Variants in ANKRD10 observed in about 807,000 individuals in gnomAD.
ANKRD10 encodes ankyrin repeat domain 10.
Under a neutral mutation model 27.0 loss-of-function variants are expected in ANKRD10, and 14 were observed. The ratio of observed to expected loss-of-function variants is 0.52; its 90% CI spans 0.34 to 0.81. ANKRD10 has a LOEUF of 0.81. ANKRD10 is among the 40% of genes least tolerant of loss of function. The probability of loss-of-function intolerance (pLI) is 0.01; values close to 1 mark genes in which losing one functional copy is unlikely to be tolerated. For missense variants in ANKRD10, 493 were observed against 544.0 expected (o/e 0.91, Z 0.93); for synonymous variants, 250 against 224.5 (o/e 1.11, Z -1.01).
At chr13:110,902,018 G>A (rs997289461) in intron 3 of ANKRD10, among the ~76,000 whole-genome samples, 3 of 138,696 alleles carry the variant, frequency 2.2e-5, no homozygotes, top group African/African-American at 5.4e-5. Flanking sequence ...ACTTTAGCCT[G>A]GACGACAAAG....
intron 3 of ANKRD10, chr13:110,900,435 A>C: frequency 9.3e-6 from 8 of 862,758 alleles, no homozygotes; most frequent in Non-Finnish European, 1.0e-5. Flanking sequence ...ATAGAAAGGT[A>C]GATATCATAA....
At chr13:110,913,276 G>A (rs1385063623) in intron 1 of ANKRD10, among the ~76,000 whole-genome samples, 6 of 152,200 alleles carry the variant, frequency 3.9e-5, no homozygotes, top group African/African-American at 1.4e-4. Context: ...ATAAACCACA[G>A]CAAGAGACAC....
At chr13:110,898,148 T>C (rs2065278540) in intron 3 of ANKRD10, among the ~76,000 whole-genome samples, 2 of 152,198 alleles carry the variant, frequency 1.3e-5, no homozygotes, top group South Asian at 4.1e-4. Flanking sequence ...ATCATTCCTA[T>C]TCCTAAATTG....
At chr13:110,902,049 GAAAAAAAAA>G (rs10656736) in intron 3 of ANKRD10, among the ~76,000 whole-genome samples, 5 of 115,402 alleles carry the variant, frequency 4.3e-5, no homozygotes, top group African/African-American at 6.7e-5. Context: ...TCTCTTTTTA[GAAAAAAAAA>G]AAAAAAAAAA....
At chr13:110,892,144 A>C (rs941284971) in intron 4 of ANKRD10, among the ~76,000 whole-genome samples, 11 of 151,008 alleles carry the variant, frequency 7.3e-5, no homozygotes, top group Admixed American at 2.6e-4. Context: ...AAAAAACCCA[A>C]AAAACGGCTA....
Position 110,911,309 on chromosome 13 carries a change from G to A in ANKRD10, c.211-539C>T, listed in dbSNP as rs569100351. Among the ~76,000 whole-genome samples, 145 of 151,210 alleles carry A rather than the reference G, an allele frequency of 9.6e-4. 1 individual carries two copies. In the East Asian group the frequency reaches 0.017, roughly 18 times the overall value. The stretch of plus-strand genomic sequence containing the variant: ...TACTAAAAATACAAAAAAATTAGCC[G>A]GGCGTGGTGGCGGGCACCTGTAATC... On this transcript the variant is annotated intron_variant, in intron 1 of 5. Transcript: ENST00000267339.
chr13:110,902,650 T>C (rs568161274), intron 3 of ANKRD10, among the ~76,000 whole-genome samples: 1 of 152,342 alleles, frequency 6.6e-6, no homozygotes, highest in East Asian at 1.9e-4. Context: ...TTAAAATACA[T>C]GTAGCCCAGC....
chr13:110,882,859 T>C (rs953029854), intron 5 of ANKRD10, among the ~76,000 whole-genome samples: 1 of 152,164 alleles, frequency 6.6e-6, no homozygotes, highest in African/African-American at 2.4e-5. Context: ...AGTGAAGAAT[T>C]TGCATAAAGA....
rs1362304149 is a variant in ANKRD10, at chr13:110,906,142, A to G, written c.364-18T>C. 1 of 1,571,812 alleles carries G rather than the reference A, an allele frequency of 6.4e-7. No homozygotes were observed. Among genetic ancestry groups the G allele is most frequent in the Admixed American group, 1.8e-5 (1 of 56,350 alleles). On this transcript the variant is annotated intron_variant, in intron 2 of 5. Transcript: ENST00000267339. ...TCACAATCCTGAAACAACAAAAAGC[A>G]AAATATACACATACTTAGAACAAAA...
intron 2 of ANKRD10, among the ~76,000 whole-genome samples, chr13:110,907,873 G>A (rs2065581967): frequency 2.0e-5 from 3 of 151,450 alleles, no homozygotes; most frequent in Admixed American, 1.3e-4. Flanking sequence ...AAAAGAAAAA[G>A]GCTAAAAAGG....
At position 110,914,889 on chromosome 13, in the gene ANKRD10, T is replaced by C. The variant is rs1336270716; in HGVS notation, c.46A>G (p.Ser16Gly). The C allele has an allele frequency of 9.1e-6, 14 of 1,540,690 alleles. No individual in the cohort carries two copies. Among genetic ancestry groups the C allele is most frequent in the Non-Finnish European group, 1.1e-5 (13 of 1,146,918 alleles). Reference protein sequence around the residue: ...AGAGVEAGFSSEELLSLRFPL... With the variant: ...AGAGVEAGFSGEELLSLRFPL... Reference sequence around the variant, plus strand: ...AAACGGAGCGAGAGCAGCTCCTCGCTGGAGAAGCCCGCCTCTACGCCCGCG... The same window carrying C: ...AAACGGAGCGAGAGCAGCTCCTCGCCGGAGAAGCCCGCCTCTACGCCCGCG... The change falls in exon 1 of 6, where the codon AGC (serine) becomes GGC (glycine). Residue 16 changes from serine to glycine, a missense_variant. Physicochemically the swap from Ser to Gly is moderately conservative, Grantham distance 56. Transcript: ENST00000267339.
intron 4 of ANKRD10, among the ~76,000 whole-genome samples, chr13:110,890,231 ATCT>A (rs1421251593): frequency 1.6e-4 from 25 of 152,244 alleles, no homozygotes; most frequent in African/African-American, 6.0e-4. Context: ...ATAATTATAT[ATCT>A]ATTGAAACCA....
In ANKRD10 at chr13:110,914,790, G is replaced by C. The variant is rs754122880; in HGVS notation, c.145C>G (p.His49Asp). 1 of 1,596,716 alleles carries C rather than the reference G, an allele frequency of 6.3e-7. No homozygotes were observed. Among genetic ancestry groups the C allele is most frequent in the African/African-American group, 1.3e-5 (1 of 74,460 alleles). Reference sequence around the variant, plus strand: ...TAGAAGGAGTCCTCAGAGGCCAGGTGGGCGTGGGGTGTCTGCTGCAGCAGC... The same window carrying C: ...TAGAAGGAGTCCTCAGAGGCCAGGTCGGCGTGGGGTGTCTGCTGCAGCAGC... The part of the protein sequence containing the change: ...CSLLQQTPHA[H>D]LASEDSFYGW... Residue 49 changes from histidine (H) to aspartate (D), a missense_variant, in exon 1 of 6, where the codon CAC becomes GAC. Coordinates refer to ENST00000267339, the MANE Select transcript of ANKRD10 (RefSeq NM_017664.4).
chr13:110,912,868 A>G (rs2065760146), intron 1 of ANKRD10, among the ~76,000 whole-genome samples: 1 of 152,226 alleles, frequency 6.6e-6, no homozygotes, highest in Non-Finnish European at 1.5e-5. Flanking sequence ...ATGTTTGGAC[A>G]CTGGACAGGG....
In ANKRD10 at chr13:110,894,216, G is replaced by C. The variant is rs761251184; in HGVS notation, c.456-953C>G. On this transcript the variant is annotated intron_variant, in intron 3 of 5. Transcript: ENST00000267339. ...TGTGAAATAAACCTGTAAAAAAGCA[G>C]ACATCCTGTTAGCTGCAGGTTGATA... The C allele has an allele frequency of 2.5e-6, 4 of 1,586,508 alleles. No individual in the cohort carries two copies. The Admixed American group carries it at 6.7e-5, about 27-fold the overall frequency.
Position 110,879,751 on chromosome 13 carries a change from A to G in ANKRD10, c.1149T>C (p.Thr383=). Residue 383 remains threonine (T), a synonymous_variant, in exon 6 of 6, where the codon ACT becomes ACC. Transcript: ENST00000267339. Reference sequence around the variant, plus strand: ...TGTTCAGTTCTGGGATGCTTTCAGCAGTGTCCCCAAACCCGTGGTAGTGTC... The same window carrying G: ...TGTTCAGTTCTGGGATGCTTTCAGCGGTGTCCCCAAACCCGTGGTAGTGTC... ...YYGHYHGFGD[T]AESIPELNSV... The G allele has an allele frequency of 6.2e-7, 1 of 1,614,256 alleles. No homozygotes were observed. Among genetic ancestry groups the G allele is most frequent in the Non-Finnish European group, 8.5e-7 (1 of 1,180,042 alleles).
chr13:110,902,638 A>C (rs1485418489), intron 3 of ANKRD10, among the ~76,000 whole-genome samples: 1 of 152,212 alleles, frequency 6.6e-6, no homozygotes, highest in Non-Finnish European at 1.5e-5. Context: ...AAAATAATTA[A>C]GTTAAAATAC....
At chr13:110,910,186 A>C (rs975612992) in intron 2 of ANKRD10, among the ~76,000 whole-genome samples, 1 of 152,268 alleles carries the variant, frequency 6.6e-6, no homozygotes, top group African/African-American at 2.4e-5. Flanking sequence ...AATGATACTT[A>C]GCACTTATCT....
At chr13:110,911,094 T>C (rs563492571) in intron 1 of ANKRD10, among the ~76,000 whole-genome samples, 8 of 152,342 alleles carry the variant, frequency 5.3e-5, no homozygotes, top group Non-Finnish European at 1.0e-4. Flanking sequence ...AAGACTTCTA[T>C]CAAAACTGTT....
Sources: gnomAD v4.1 joint callset for allele counts (sites outside exome capture counted in the v4.1 genomes callset) on GRCh38, gnomAD v4.1.1 for gene constraint, MANE v1.5 for transcripts, NCBI Gene and HGNC (gene_info 2026-07-23, HGNC 2026-07-21) for gene names.